The following XYLB variants were observed in gnomAD, a reference collection of about 807,000 sequenced individuals.
XYLB encodes the protein xylulose kinase.
In XYLB, 62 loss-of-function variants were observed where a neutral mutation model predicts 78.7. The ratio of observed to expected loss-of-function variants is 0.79; its 90% CI spans 0.64 to 0.97. The LOEUF (loss-of-function observed/expected upper bound fraction) is 0.97, where lower values mean the gene tolerates loss of function less well. XYLB is among the 50% of genes least tolerant of loss of function. The pLI, the probability that XYLB is intolerant of heterozygous loss-of-function variation, is 0.00. For synonymous variants in XYLB, 245 were observed against 247.4 expected (o/e 0.99, Z 0.09); for missense variants, 687 against 676.8 (o/e 1.02, Z -0.17).
At chr3:38,386,059 C>G (rs1707371685) in intron 15 of XYLB, among the ~76,000 whole-genome samples, 1 of 152,232 alleles carries the variant, frequency 6.6e-6, no homozygotes, top group Non-Finnish European at 1.5e-5. Context: ...ACCCTATACA[C>G]TCTACTTCCA....
At chr3:38,356,532 A>G (rs1444828271) in intron 2 of XYLB, 1 of 152,222 alleles carries the variant, frequency 6.6e-6, no homozygotes, top group African/African-American at 2.4e-5. Context: ...AGACATGAAT[A>G]TATATAATAT....
At chr3:38,445,104 T>C in the XYLB span, among the ~76,000 whole-genome samples, 3 of 152,162 alleles carry the variant, frequency 2.0e-5, no homozygotes, top group Non-Finnish European at 4.4e-5. Context: ...CTTACCCCTT[T>C]CCTATAAAGA....
chr3:38,430,744 A>T, the XYLB span, among the ~76,000 whole-genome samples: 8 of 152,328 alleles, frequency 5.3e-5, no homozygotes, highest in Non-Finnish European at 1.0e-4. Flanking sequence ...AGGTGTAAAG[A>T]AGGGATCCAG....
At chr3:38,380,551 A>G (rs950850652) in intron 15 of XYLB, among the ~76,000 whole-genome samples, 6 of 152,160 alleles carry the variant, frequency 3.9e-5, no homozygotes, top group Non-Finnish European at 5.9e-5. Flanking sequence ...TGTAATATAT[A>G]TTTTATACCT....
At position 38,375,221 on chromosome 3, in the gene XYLB, CA is replaced by C. The variant is rs973774004; in HGVS notation, c.968del (p.Asn323ThrfsTer20). 6.2e-7 allele frequency: 1 copy of C among 1,614,098 alleles called. No individual in the cohort carries two copies. Among genetic ancestry groups the C allele is most frequent in the Non-Finnish European group, 8.5e-7 (1 of 1,180,046 alleles). Reference protein sequence around the residue: ...MPALEGHIFCNPVDSQHYMAL... With the variant: ...MPALEGHIFCXPVDSQHYMAL... ...CTGCCCTGGAAGGCCACATCTTCTG[CA>C]ACCCGGTTGACTCCCAGCACTACAT... On this transcript the variant is annotated frameshift_variant, in exon 12 of 19. Coordinates refer to ENST00000207870, the MANE Select transcript of XYLB (RefSeq NM_005108.4). LOFTEE classifies it high-confidence loss of function.
chr3:38,349,512 G>A (rs76075611), intron 2 of XYLB, among the ~76,000 whole-genome samples: 82 of 152,322 alleles, frequency 5.4e-4, no homozygotes, highest in Non-Finnish European at 9.7e-4. Flanking sequence ...ATGAAATGAT[G>A]GATAGGAGAG....
intron 8 of XYLB, among the ~76,000 whole-genome samples, chr3:38,368,561 C>A (rs1406479431): frequency 6.6e-6 from 1 of 152,186 alleles, no homozygotes; most frequent in African/African-American, 2.4e-5. Flanking sequence ...GCAGCCGGGG[C>A]TGCAGTCATC....
At chr3:38,365,569 G>A (rs200256505) in intron 5 of XYLB, 39 bp from the exon 6 acceptor site, 103 of 1,576,106 alleles carry the variant, frequency 6.5e-5, no homozygotes, top group Middle Eastern at 1.7e-4. Context: ...CCAAGTCAGC[G>A]GATGGAGCTT....
the XYLB span, among the ~76,000 whole-genome samples, chr3:38,440,372 G>A: frequency 6.6e-6 from 1 of 152,230 alleles, no homozygotes; most frequent in East Asian, 1.9e-4. Context: ...AGGTTTGGCT[G>A]AGTGCAAACA....
rs775733617 is a variant in XYLB, at chr3:38,413,015, C to T, written c.*2C>T. ...CAGACCCGGGGGCCTCCGGAGTGAA[C>T]AGGCATCCCTGTTGCCCCTGCCTGC... On this transcript the variant is annotated 3_prime_UTR_variant, in exon 19 of 19. Transcript: ENST00000207870. 1.9e-6 allele frequency: 3 copies of T among 1,592,440 alleles called. No individual in the cohort carries two copies. In the African/African-American group the frequency reaches 4.1e-5, roughly 22 times the overall value.
the XYLB span, among the ~76,000 whole-genome samples, chr3:38,435,812 T>C: frequency 5.9e-5 from 9 of 152,090 alleles, no homozygotes; most frequent in East Asian, 1.7e-3. Flanking sequence ...TATAGAAATA[T>C]ATGGAAATTA....
chr3:38,387,313 T>G (rs1707424863), intron 15 of XYLB, among the ~76,000 whole-genome samples: 1 of 152,052 alleles, frequency 6.6e-6, no homozygotes, highest in Non-Finnish European at 1.5e-5. Context: ...TTCTATTCTT[T>G]TTTTTTTTTC....
At chr3:38,359,731 T>C (rs1705866079) in intron 2 of XYLB, among the ~76,000 whole-genome samples, 1 of 152,222 alleles carries the variant, frequency 6.6e-6, no homozygotes, top group African/African-American at 2.4e-5. Flanking sequence ...GACTTTCATT[T>C]CTCTTGGCTG....
the XYLB span, among the ~76,000 whole-genome samples, chr3:38,440,038 G>C: frequency 2.6e-5 from 4 of 152,134 alleles, no homozygotes; most frequent in African/African-American, 9.7e-5. Flanking sequence ...AGAGTGTGTG[G>C]TAGTAGGATA....
intron 15 of XYLB, among the ~76,000 whole-genome samples, chr3:38,381,390 A>C (rs1270423032): frequency 6.6e-6 from 1 of 152,190 alleles, no homozygotes; most frequent in East Asian, 1.9e-4. Context: ...CATTAACTGC[A>C]CAAATTGTAC....
At chr3:38,350,121 T>C (rs1420158884) in intron 2 of XYLB, among the ~76,000 whole-genome samples, 4 of 152,200 alleles carry the variant, frequency 2.6e-5, no homozygotes, top group African/African-American at 9.7e-5. Context: ...TCCCTGTCTG[T>C]TTTAGACACA....
At chr3:38,353,885 T>TTA (rs376209351) in intron 2 of XYLB, among the ~76,000 whole-genome samples, 4 of 122,016 alleles carry the variant, frequency 3.3e-5, no homozygotes, top group East Asian at 5.3e-4. Flanking sequence ...AGACTCCATA[T>TTA]AAAAAAAAAA....
intron 2 of XYLB, among the ~76,000 whole-genome samples, chr3:38,351,274 GTGGTC>G (rs1364703475): frequency 7.4e-6 from 1 of 134,696 alleles, no homozygotes; most frequent in Non-Finnish European, 1.6e-5. Flanking sequence ...TAATTTCATT[GTGGTC>G]TGAGAACATA....
intron 15 of XYLB, among the ~76,000 whole-genome samples, chr3:38,395,031 C>T (rs1707811165): frequency 6.6e-6 from 1 of 152,166 alleles, no homozygotes; most frequent in African/African-American, 2.4e-5. Context: ...TCATCATTTA[C>T]ACAAGGTTCT....
Sources: allele counts gnomAD v4.1 joint callset (sites outside exome capture counted in the v4.1 genomes callset), GRCh38; gene constraint gnomAD v4.1.1; transcripts MANE v1.5; gene names NCBI Gene and HGNC (gene_info 2026-07-23, HGNC 2026-07-21).